TMEM164: variants seen among roughly 807,000 people sequenced by gnomAD.
TMEM164 encodes RP13-360B22.2.
TMEM164 carries 4 observed loss-of-function variants against 18.8 expected under a neutral mutation model. The observed-to-expected ratio is 0.21, with a 90% CI of 0.10 to 0.49. The LOEUF (loss-of-function observed/expected upper bound fraction) is 0.49. Among genes scored for constraint, TMEM164 ranks in the 20% least tolerant of loss-of-function variants. TMEM164 has a pLI of 0.98. For missense variants in TMEM164, 108 were observed against 239.9 expected, an observed-to-expected ratio of 0.45 and a Z score of 3.63; for synonymous variants, 86 against 101.7, an observed-to-expected ratio of 0.85 and a Z score of 0.93.
chrX:110,079,731 A>G lies in TMEM164; in HGVS notation c.440+12335A>G, dbSNP rs1039678699. On this transcript the variant is annotated intron_variant, in intron 3 of 6. Transcript: ENST00000372068. ...AATCATTGGTCTTCTTCAATTAAGA[A>G]ATGAACAAGATACGAATTGATGTAG... Among the ~76,000 whole-genome samples the G allele has an allele frequency of 8.3e-4, 91 of 110,133 alleles. 2 individuals are homozygous for G. The highest frequency in any genetic ancestry group is 3.0e-3 in the African/African-American group (90 of 30,245).
chrX:110,058,240 G>C (rs1326922792), intron 2 of TMEM164, among the ~76,000 whole-genome samples: 1 of 109,913 alleles, frequency 9.1e-6, no homozygotes, highest in Non-Finnish European at 1.9e-5. Flanking sequence ...GACCCTCTAA[G>C]GTTCTTTATT....
intron 2 of TMEM164, among the ~76,000 whole-genome samples, chrX:110,033,578 G>A (rs1934618309): frequency 9.0e-6 from 1 of 111,575 alleles, no homozygotes; most frequent in East Asian, 2.8e-4. Flanking sequence ...GAGGAAGCTT[G>A]TGGATATAGA....
At chrX:110,055,773 A>C (rs1935796723) in intron 2 of TMEM164, among the ~76,000 whole-genome samples, 1 of 111,069 alleles carries the variant, frequency 9.0e-6, no homozygotes, top group African/African-American at 3.3e-5. Flanking sequence ...GGAGGAGAGA[A>C]TCTCAGGGGG....
At chrX:110,143,804 G>GGTGTGTGTGTGTGTGTGTGTGT (rs759024255) in intron 4 of TMEM164, among the ~76,000 whole-genome samples, 1 of 103,054 alleles carries the variant, frequency 9.7e-6, no homozygotes, top group African/African-American at 3.5e-5. Flanking sequence ...CATACTTTGG[G>GGTGTGTGTGTGTGTGTGTGTGT]GTGTGTGTGT....
intron 2 of TMEM164, among the ~76,000 whole-genome samples, chrX:110,037,231 G>A (rs1221066457): frequency 9.0e-6 from 1 of 111,310 alleles, no homozygotes; most frequent in African/African-American, 3.3e-5. Flanking sequence ...TAAAGGCAGA[G>A]TACAATAAGC....
intron 5 of TMEM164, among the ~76,000 whole-genome samples, chrX:110,168,171 G>C (rs2067183419): frequency 8.9e-6 from 1 of 112,833 alleles, no homozygotes; most frequent in Non-Finnish European, 1.9e-5. Context: ...GCCCTTGTCT[G>C]TCCTCCAGGC....
At position 110,098,505 on chromosome X, in the gene TMEM164, A is replaced by G. The variant is rs1239502492; in HGVS notation, c.441-10575A>G. Among the ~76,000 whole-genome samples, 4 of 111,417 alleles carry G rather than the reference A, an allele frequency of 3.6e-5. No individual in the cohort carries two copies. In the Admixed American group the frequency reaches 3.8e-4, roughly 11 times the overall value. Reference sequence around the variant, plus strand: ...TTTCTTTTTCTTTTTTTATTAAAAAAAACCTTTATAAGATACCATCAAATA... The same window carrying G: ...TTTCTTTTTCTTTTTTTATTAAAAAGAACCTTTATAAGATACCATCAAATA... On this transcript the variant is annotated intron_variant, in intron 3 of 6. Coordinates refer to ENST00000372068, the MANE Select transcript of TMEM164 (RefSeq NM_032227.4).
rs1360835306 is a variant in TMEM164, at chrX:110,174,936, C to T, written c.*1485C>T. 8.9e-6 allele frequency: 1 copy of T among 112,178 alleles called. No individual in the cohort carries two copies. The highest frequency in any genetic ancestry group is 1.9e-5 in the Non-Finnish European group (1 of 53,169). 9.2% of individuals were successfully genotyped at this position (112,178 alleles called of 1,213,427 possible). A position where few individuals can be genotyped will look rare whatever the true frequency, so the allele number is the denominator to read the frequency against. On this transcript the variant is annotated 3_prime_UTR_variant, in exon 7 of 7. Coordinates refer to ENST00000372068, the MANE Select transcript of TMEM164 (RefSeq NM_032227.4). Reference sequence around the variant, plus strand: ...TATTTCCAGTTTGACCGTGTTTGACCTACACTGAGCTTCGGTGCCTCAGTG... The same window carrying T: ...TATTTCCAGTTTGACCGTGTTTGACTTACACTGAGCTTCGGTGCCTCAGTG...
chrX:110,098,735 A>G (rs1344449152), intron 3 of TMEM164, among the ~76,000 whole-genome samples: 2 of 110,691 alleles, frequency 1.8e-5, no homozygotes, highest in African/African-American at 6.6e-5. Flanking sequence ...AAACAACAAC[A>G]TATTCAATAA....
chrX:110,024,217 A>AT (rs1215642591), intron 2 of TMEM164, among the ~76,000 whole-genome samples: 85 of 109,530 alleles, frequency 7.8e-4, no homozygotes, highest in South Asian at 1.9e-3. Context: ...ATAATGAAAC[A>AT]TTTTTTTTTT....
chrX:110,169,956 C>G (rs918051006), intron 5 of TMEM164, among the ~76,000 whole-genome samples: 8 of 111,507 alleles, frequency 7.2e-5, no homozygotes, highest in Non-Finnish European at 1.3e-4. Context: ...CATTTGAGTT[C>G]ATGACCCTGG....
intron 2 of TMEM164, among the ~76,000 whole-genome samples, chrX:110,006,958 T>TA (rs1280962383): frequency 1.8e-5 from 2 of 112,326 alleles, no homozygotes; most frequent in Non-Finnish European, 3.8e-5. Context: ...ACATGTCTGA[T>TA]ATGTGTCTCT....
intron 3 of TMEM164, among the ~76,000 whole-genome samples, chrX:110,106,562 C>T (rs556148859): frequency 1.4e-3 from 152 of 110,653 alleles, no homozygotes; most frequent in African/African-American, 4.5e-3. Flanking sequence ...TTAGTAGAGA[C>T]GGGGTTTCGC....
At chrX:110,152,070 T>TTTG (rs1363321994) in intron 5 of TMEM164, among the ~76,000 whole-genome samples, 26 of 102,531 alleles carry the variant, frequency 2.5e-4, no homozygotes, top group Middle Eastern at 9.7e-3. Flanking sequence ...TTTTTTTTTT[T>TTTG]GTCTGAGACG....
chrX:110,036,065 A>G (rs1007954533), intron 2 of TMEM164, among the ~76,000 whole-genome samples: 2 of 111,964 alleles, frequency 1.8e-5, no homozygotes, highest in Admixed American at 1.9e-4. Flanking sequence ...AAATTTTAAA[A>G]AAATGGCATC....
intron 4 of TMEM164, among the ~76,000 whole-genome samples, chrX:110,134,687 A>G (rs2066663783): frequency 9.4e-6 from 1 of 106,948 alleles, no homozygotes; most frequent in Non-Finnish European, 1.9e-5. Context: ...GGCTGTGGGC[A>G]TCTGTCCTTA....
Position 110,081,877 on chromosome X carries a change from A to G in TMEM164, c.440+14481A>G, listed in dbSNP as rs1602586934. The stretch of plus-strand genomic sequence containing the variant: ...TCCTGGAGGCATGCCCAGCCACTAT[A>G]GGAAAGGGGTATGACGTGTGCAGCA... On this transcript the variant is annotated intron_variant, in intron 3 of 6. Transcript: ENST00000372068. Among the ~76,000 whole-genome samples the G allele has an allele frequency of 3.6e-5, 4 of 112,302 alleles. No homozygotes were observed. In the South Asian group the frequency reaches 1.1e-3, roughly 31 times the overall value.
At chrX:110,179,160 G>A (rs972960722), downstream of TMEM164, among the ~76,000 whole-genome samples, 1 of 111,954 alleles carries the variant, frequency 8.9e-6, no homozygotes, top group South Asian at 3.7e-4. Context: ...AAGAGGCTGC[G>A]GAGAGGAGGT....
downstream of TMEM164, among the ~76,000 whole-genome samples, chrX:110,178,064 T>C (rs2067308252): frequency 8.9e-6 from 1 of 112,319 alleles, no homozygotes; most frequent in Non-Finnish European, 1.9e-5. Context: ...CCAAAGTGCA[T>C]TGGGCTAGGC....
Sources: gnomAD v4.1 joint callset for allele counts (sites outside exome capture counted in the v4.1 genomes callset) on GRCh38, gnomAD v4.1.1 for gene constraint, MANE v1.5 for transcripts, NCBI Gene and HGNC (gene_info 2026-07-23, HGNC 2026-07-21) for gene names.